The following HMX3 variants were observed in gnomAD, a reference collection of about 807,000 sequenced individuals.
The protein encoded by HMX3 is H6 family homeobox 3.
In HMX3, 8 loss-of-function variants were observed where a neutral mutation model predicts 22.8. That is an observed-to-expected ratio of 0.35 (90% CI 0.21 to 0.63). The LOEUF (loss-of-function observed/expected upper bound fraction) is 0.63, where lower values mean the gene tolerates loss of function less well. Ranked by LOEUF, HMX3 falls within the 30% of genes least tolerant of loss-of-function variation. The pLI, the probability that HMX3 is intolerant of heterozygous loss-of-function variation, is 0.72. For synonymous variants in HMX3, 331 were observed against 250.9 expected (o/e 1.32, Z -3.02); for missense variants, 527 against 520.6 (o/e 1.01, Z -0.12).
Position 123,137,849 on chromosome 10 carries a change from C to A in HMX3, c.*118C>A. The A allele has an allele frequency of 1.5e-6, 1 of 671,410 alleles. No homozygotes were observed. Among genetic ancestry groups the A allele is most frequent in the South Asian group, 2.7e-5 (1 of 36,548 alleles). The allele number at this position is 671,410 out of a possible 1,614,324, so 41.6% of individuals were successfully genotyped here. A position where few individuals can be genotyped will look rare whatever the true frequency, so the allele number is the denominator to read the frequency against. On this transcript the variant is annotated 3_prime_UTR_variant, in exon 2 of 2. Coordinates refer to ENST00000357878, the MANE Select transcript of HMX3 (RefSeq NM_001105574.2). This position sits in a 1 kb window ranked among gnomAD's most constrained non-coding sequence, Gnocchi z 5.8. Reference sequence around the variant, plus strand: ...GCCTTCAGGAACTGGGGCTTGGGCGCGCAGCCTCTGCTTCCCCTCCCCCAG... The same window carrying A: ...GCCTTCAGGAACTGGGGCTTGGGCGAGCAGCCTCTGCTTCCCCTCCCCCAG...
At position 123,137,099 on chromosome 10, in the gene HMX3, G is replaced by C. The variant is rs760154656; in HGVS notation, c.442G>C (p.Gly148Arg). The change falls in exon 2 of 2, where the codon GGC (glycine) becomes CGC (arginine). Residue 148 changes from glycine (G) to arginine (R), a missense_variant. Physicochemically the swap from Gly to Arg is moderately radical, Grantham distance 125. Coordinates refer to ENST00000357878, the MANE Select transcript of HMX3 (RefSeq NM_001105574.2). The surrounding 1 kb of genome is among the most constrained non-coding windows in gnomAD (Gnocchi z 5.8). Reference sequence around the variant, plus strand: ...GCTGAGAGACTCCTCCCCCGCCTCCGGCACAGACCGCGACTCTCCGGAGCC... The same window carrying C: ...GCTGAGAGACTCCTCCCCCGCCTCCCGCACAGACCGCGACTCTCCGGAGCC... ...ALLRDSSPAS[G>R]TDRDSPEPLL... The C allele has an allele frequency of 3.7e-6, 6 of 1,610,906 alleles. No homozygotes were observed. In the East Asian group the frequency reaches 6.7e-5, roughly 18 times the overall value.
In HMX3 at chr10:123,136,371, G is replaced by C; in HGVS notation, c.321G>C (p.Ala107=). ...CGGCGCAGAGGTTTGCCCTGCCCGC[G>C]CACTACCTGGAGCGCTCCCCAGCCT... ...EIPAQRFALP[A]HYLERSPAWW... The change falls in exon 1 of 2, where the codon GCG becomes GCC. Residue 107 remains alanine, a synonymous_variant. Transcript: ENST00000357878. This position sits in a 1 kb window ranked among gnomAD's most constrained non-coding sequence, Gnocchi z 4.8. 6.4e-7 allele frequency: 1 copy of C among 1,565,642 alleles called. No individual in the cohort carries two copies. The highest frequency in any genetic ancestry group is 8.6e-7 in the Non-Finnish European group (1 of 1,156,964).
rs772140075 is a variant in HMX3, at chr10:123,136,418, C to A, written c.368C>A (p.Thr123Asn). 1.9e-5 allele frequency: 29 copies of A among 1,494,780 alleles called. No homozygotes were observed. The Middle Eastern group carries it at 1.4e-3, about 73-fold the overall frequency. The allele number at this position is 1,494,780 out of a possible 1,614,324, so 92.6% of individuals were successfully genotyped here. ...GCCTGGTGGTACCCCTACACCCTGACCCCCGCCGGCGGCCACCTCCCGCGA... is the reference window on the plus strand; with the variant it reads ...GCCTGGTGGTACCCCTACACCCTGAACCCCGCCGGCGGCCACCTCCCGCGA... ...SPAWWYPYTL[T>N]PAGGHLPRPE... Residue 123 changes from threonine (T) to asparagine (N), a missense_variant, in exon 1 of 2, where the codon ACC (threonine) becomes AAC (asparagine). Coordinates refer to ENST00000357878, the MANE Select transcript of HMX3 (RefSeq NM_001105574.2). The surrounding 1 kb of genome is among the most constrained non-coding windows in gnomAD (Gnocchi z 4.8).
At position 123,136,945 on chromosome 10, in the gene HMX3, T is replaced by C; in HGVS notation, c.401-113T>C. 7.8e-7 allele frequency: 1 copy of C among 1,286,924 alleles called. No individual in the cohort carries two copies. The highest frequency in any genetic ancestry group is 2.6e-5 in the East Asian group (1 of 39,070). The allele number at this position is 1,286,924 out of a possible 1,614,324, so 79.7% of individuals were successfully genotyped here. A position where few individuals can be genotyped will look rare whatever the true frequency, so the allele number is the denominator to read the frequency against. ...AGCCCGCGGGAATGGTGAGGCCTCA[T>C]GGCCTGGGACCTGGAGGCCGGCGCG... On this transcript the variant is annotated intron_variant, in intron 1 of 1. Coordinates refer to ENST00000357878, the MANE Select transcript of HMX3 (RefSeq NM_001105574.2). This position sits in a 1 kb window ranked among gnomAD's most constrained non-coding sequence, Gnocchi z 4.8.
At position 123,137,097 on chromosome 10, in the gene HMX3, C is replaced by G. The variant is rs750072328; in HGVS notation, c.440C>G (p.Ser147Cys). The change falls in exon 2 of 2, where the codon TCC (serine) becomes TGC (cysteine). Residue 147 changes from serine to cysteine, a missense_variant. Physicochemically the swap from Ser to Cys is moderately radical, Grantham distance 112 (BLOSUM62 -1). Transcript: ENST00000357878. This position sits in a 1 kb window ranked among gnomAD's most constrained non-coding sequence, Gnocchi z 5.8. ...KALLRDSSPA[S>C]GTDRDSPEPL... Reference sequence around the variant, plus strand: ...TTGCTGAGAGACTCCTCCCCCGCCTCCGGCACAGACCGCGACTCTCCGGAG... The same window carrying G: ...TTGCTGAGAGACTCCTCCCCCGCCTGCGGCACAGACCGCGACTCTCCGGAG... 1.1e-5 allele frequency: 17 copies of G among 1,610,950 alleles called. No homozygotes were observed. The highest frequency in any genetic ancestry group is 2.2e-5 in the South Asian group (2 of 90,636).
chr10:123,137,597 TCGGCGGCCGAGGGCG>T lies in HMX3; in HGVS notation c.948_962del (p.Glu317_Ala321del). On this transcript the variant is annotated inframe_deletion, in exon 2 of 2. Coordinates refer to ENST00000357878, the MANE Select transcript of HMX3 (RefSeq NM_001105574.2). This position sits in a 1 kb window ranked among gnomAD's most constrained non-coding sequence, Gnocchi z 5.8. ...GGTGCCCATCCTCTACCACGAGAAC[TCGGCGGCCGAGGGCG>T]CGGCGGCTGCAGCCGCGGGGGCCCC... 6.3e-7 allele frequency: 1 copy of T among 1,587,944 alleles called. No individual in the cohort carries two copies.
Position 123,136,660 on chromosome 10 carries a change from C to T in HMX3, c.400+210C>T, listed in dbSNP as rs1193692712. Among the ~76,000 whole-genome samples the T allele has an allele frequency of 1.3e-5, 2 of 152,166 alleles. No homozygotes were observed. Among genetic ancestry groups the T allele is most frequent in the Admixed American group, 6.5e-5 (1 of 15,282 alleles). On this transcript the variant is annotated intron_variant, in intron 1 of 1. Transcript: ENST00000357878. This position sits in a 1 kb window ranked among gnomAD's most constrained non-coding sequence, Gnocchi z 4.8. ...GAGAAAAGAAGTGGAATTGGAGCCC[C>T]GGGCACGGTGCTTCCCGGGAAAAGT... is the stretch of plus-strand genomic sequence containing the variant.
rs1844068407 is a variant in HMX3, at chr10:123,136,082, C to G, written c.32C>G (p.Thr11Ser). ...GAACCCGGGCCGGACGCTGCCGGCA[C>G]CGCCAGCGCACAGCCCCAACCGCCG... is the stretch of plus-strand genomic sequence containing the variant. MPEPGPDAAGTASAQPQPPPP... is the reference protein window; with the variant it reads MPEPGPDAAGSASAQPQPPPP... Residue 11 changes from threonine to serine, a missense_variant, in exon 1 of 2, where the codon ACC (threonine) becomes AGC (serine). Coordinates refer to ENST00000357878, the MANE Select transcript of HMX3 (RefSeq NM_001105574.2). This position sits in a 1 kb window ranked among gnomAD's most constrained non-coding sequence, Gnocchi z 4.8. The G allele has an allele frequency of 7.1e-7, 1 of 1,403,660 alleles. No homozygotes were observed. Among genetic ancestry groups the G allele is most frequent in the Non-Finnish European group, 9.3e-7 (1 of 1,077,794 alleles). 87.0% of individuals were successfully genotyped at this position (1,403,660 alleles called of 1,614,324 possible).
Position 123,136,245 on chromosome 10 carries a change from C to CGCCGCTGCCGCT in HMX3, c.201_212dup (p.Ala70_Ala73dup). On this transcript the variant is annotated inframe_insertion, in exon 1 of 2. Coordinates refer to ENST00000357878, the MANE Select transcript of HMX3 (RefSeq NM_001105574.2). The surrounding 1 kb of genome is among the most constrained non-coding windows in gnomAD (Gnocchi z 4.8). Reference sequence around the variant, plus strand: ...CGCCAGCCTCGGCTGCCGCCGCCGCCGCCGCTGCCGCTGCCGCGGCGGCCA... The same window carrying CGCCGCTGCCGCT: ...CGCCAGCCTCGGCTGCCGCCGCCGCCGCCGCTGCCGCTGCCGCTGCCGCTGCCGCGGCGGCCA... 1 of 1,345,020 alleles carries CGCCGCTGCCGCT rather than the reference C, an allele frequency of 7.4e-7. No individual in the cohort carries two copies. Among genetic ancestry groups the CGCCGCTGCCGCT allele is most frequent in the East Asian group, 3.1e-5 (1 of 32,722 alleles). The allele number at this position is 1,345,020 out of a possible 1,614,324, so 83.3% of individuals were successfully genotyped here.
chr10:123,137,678 G>T lies in HMX3; in HGVS notation c.1021G>T (p.Val341Phe), dbSNP rs897742821. 2.0e-6 allele frequency: 3 copies of T among 1,481,452 alleles called. No homozygotes were observed. In the African/African-American group the frequency reaches 4.2e-5, roughly 21 times the overall value. 91.8% of individuals were successfully genotyped at this position (1,481,452 alleles called of 1,614,324 possible). ...SQPLLTFPHP[V>F]YYSHPVVSSV... ...GCCGCTGCTCACCTTCCCGCACCCC[G>T]TCTACTACTCGCACCCGGTGGTCTC... Residue 341 changes from valine (V) to phenylalanine (F), a missense_variant, in exon 2 of 2, where the codon GTC becomes TTC. Val to Phe is a conservative substitution (Grantham distance 50). Around this residue, in one of 3 missense-constraint regions of HMX3, gnomAD observed 100 missense variants for 102.3 expected, o/e 0.98. Transcript: ENST00000357878. This position sits in a 1 kb window ranked among gnomAD's most constrained non-coding sequence, Gnocchi z 5.8.
At position 123,137,146 on chromosome 10, in the gene HMX3, T is replaced by C. The variant is rs1253840899; in HGVS notation, c.489T>C (p.Asp163=). 2 of 1,607,554 alleles carry C rather than the reference T, an allele frequency of 1.2e-6. No individual in the cohort carries two copies. Among genetic ancestry groups the C allele is most frequent in the African/African-American group, 2.7e-5 (2 of 74,764 alleles). The part of the protein sequence containing the change: ...SPEPLLKADP[D]HKELDSKSPD... ...AGCCACTGCTCAAGGCCGACCCCGA[T>C]CACAAGGAGCTGGACTCCAAGAGCC... Residue 163 remains aspartate, a synonymous_variant, in exon 2 of 2, where the codon GAT becomes GAC. Transcript: ENST00000357878. The surrounding 1 kb of genome is among the most constrained non-coding windows in gnomAD (Gnocchi z 5.8).
Position 123,136,919 on chromosome 10 carries a change from C to T in HMX3, c.401-139C>T, listed in dbSNP as rs1844082923. ...TTCTCTGGCCCAGCCGAGAAGGAGG[C>T]AGCCCGCGGGAATGGTGAGGCCTCA... On this transcript the variant is annotated intron_variant, in intron 1 of 1. Coordinates refer to ENST00000357878, the MANE Select transcript of HMX3 (RefSeq NM_001105574.2). This position sits in a 1 kb window ranked among gnomAD's most constrained non-coding sequence, Gnocchi z 4.8. 10 of 1,008,236 alleles carry T rather than the reference C, an allele frequency of 9.9e-6. No individual in the cohort carries two copies. The highest frequency in any genetic ancestry group is 1.4e-5 in the Non-Finnish European group (10 of 715,458). The allele number at this position is 1,008,236 out of a possible 1,614,324, so 62.5% of individuals were successfully genotyped here.
rs1218966766 is a variant in HMX3 at position 123,137,951 on chromosome 10, T to G, written c.*220T>G. Among the ~76,000 whole-genome samples the G allele has an allele frequency of 6.6e-6, 1 of 152,212 alleles. No homozygotes were observed. Among genetic ancestry groups the G allele is most frequent in the Non-Finnish European group, 1.5e-5 (1 of 68,030 alleles). On this transcript the variant is annotated 3_prime_UTR_variant, in exon 2 of 2. Transcript: ENST00000357878. The surrounding 1 kb of genome is among the most constrained non-coding windows in gnomAD (Gnocchi z 5.8). Reference sequence around the variant, plus strand: ...AATGGATTGGAGGCGCTTCCCCTCTTACTTTTGGTTTTTGGCTTATATTAA... The same window carrying G: ...AATGGATTGGAGGCGCTTCCCCTCTGACTTTTGGTTTTTGGCTTATATTAA...
chr10:123,137,447 C>G lies in HMX3; in HGVS notation c.790C>G (p.Leu264Val), dbSNP rs60720577. 2 of 1,613,386 alleles carry G rather than the reference C, an allele frequency of 1.2e-6. No individual in the cohort carries two copies. Among genetic ancestry groups the G allele is most frequent in the Non-Finnish European group, 1.7e-6 (2 of 1,179,936 alleles). ...GGAGCGAGCCGGCCTGGCCGCGTCC[C>G]TGCACCTCACCGAGACGCAGGTCAA... ...SSERAGLAAS[L>V]HLTETQVKIW... The change falls in exon 2 of 2, where the codon CTG becomes GTG. Residue 264 changes from leucine to valine, a missense_variant. Around this residue, in one of 3 missense-constraint regions of HMX3, gnomAD observed 41 missense variants for 80.6 expected, o/e 0.51. Coordinates refer to ENST00000357878, the MANE Select transcript of HMX3 (RefSeq NM_001105574.2). The surrounding 1 kb of genome is among the most constrained non-coding windows in gnomAD (Gnocchi z 5.8).
chr10:123,137,677 C>A lies in HMX3; in HGVS notation c.1020C>A (p.Pro340=), dbSNP rs534920462. The A allele has an allele frequency of 2.0e-6, 3 of 1,482,186 alleles. No homozygotes were observed. The highest frequency in any genetic ancestry group is 1.8e-6 in the Non-Finnish European group (2 of 1,124,104). 91.8% of individuals were successfully genotyped at this position (1,482,186 alleles called of 1,614,324 possible). A position where few individuals can be genotyped will look rare whatever the true frequency, so the allele number is the denominator to read the frequency against. ...AGCCGCTGCTCACCTTCCCGCACCC[C>A]GTCTACTACTCGCACCCGGTGGTCT... The part of the protein sequence containing the change: ...VSQPLLTFPH[P]VYYSHPVVSS... Residue 340 remains proline (P), a synonymous_variant, in exon 2 of 2, where the codon CCC becomes CCA. Transcript: ENST00000357878. The surrounding 1 kb of genome is among the most constrained non-coding windows in gnomAD (Gnocchi z 5.8).
chr10:123,137,441 G>T lies in HMX3; in HGVS notation c.784G>T (p.Ala262Ser). ...LSSSERAGLA[A>S]SLHLTETQVK... ...CAGCTCGGAGCGAGCCGGCCTGGCC[G>T]CGTCCCTGCACCTCACCGAGACGCA... is the stretch of plus-strand genomic sequence containing the variant. The change falls in exon 2 of 2, where the codon GCG (alanine) becomes TCG (serine). Residue 262 changes from alanine to serine, a missense_variant. Transcript: ENST00000357878. This position sits in a 1 kb window ranked among gnomAD's most constrained non-coding sequence, Gnocchi z 5.8. 6.2e-7 allele frequency: 1 copy of T among 1,613,388 alleles called. No individual in the cohort carries two copies. Among genetic ancestry groups the T allele is most frequent in the East Asian group, 2.2e-5 (1 of 44,858 alleles).
In HMX3 at chr10:123,138,189, G is replaced by A. The variant is rs1589679142; in HGVS notation, c.*458G>A. The stretch of plus-strand genomic sequence containing the variant: ...GAGACGGAATCTTGCTCTATCTATT[G>A]CCCAGGCTGGAGTGCAGTGGCGCGA... On this transcript the variant is annotated 3_prime_UTR_variant, in exon 2 of 2. Coordinates refer to ENST00000357878, the MANE Select transcript of HMX3 (RefSeq NM_001105574.2). Among the ~76,000 whole-genome samples the A allele has an allele frequency of 1.7e-5, 2 of 115,764 alleles. No individual in the cohort carries two copies. Among genetic ancestry groups the A allele is most frequent in the African/African-American group, 6.3e-5 (2 of 31,662 alleles). The allele number at this position is 115,764 out of a possible 152,430, so 75.9% of individuals were successfully genotyped here. A position where few individuals can be genotyped will look rare whatever the true frequency, so the allele number is the denominator to read the frequency against.
chr10:123,137,230 G>A lies in HMX3; in HGVS notation c.573G>A (p.Ala191=), dbSNP rs770573334. 22 of 1,595,094 alleles carry A rather than the reference G, an allele frequency of 1.4e-5. No homozygotes were observed. The highest frequency in any genetic ancestry group is 1.9e-5 in the Non-Finnish European group (22 of 1,170,908). ...DSEESKKEGE[A]APGAAGASVG... ...AGGAAAGCAAAAAGGAAGGCGAAGC[G>A]GCGCCAGGCGCGGCCGGGGCGAGCG... Residue 191 remains alanine (A), a synonymous_variant, in exon 2 of 2, where the codon GCG becomes GCA. Coordinates refer to ENST00000357878, the MANE Select transcript of HMX3 (RefSeq NM_001105574.2). This position sits in a 1 kb window ranked among gnomAD's most constrained non-coding sequence, Gnocchi z 5.8.
Position 123,138,678 on chromosome 10 carries a change from T to C in HMX3, c.*947T>C, listed in dbSNP as rs1250588812. ...ATTAGCCTCTTCATCGGTCTTACTTTGTGATGGAAGAATTCTCTAAGTGTC... is the reference window on the plus strand; with the variant it reads ...ATTAGCCTCTTCATCGGTCTTACTTCGTGATGGAAGAATTCTCTAAGTGTC... On this transcript the variant is annotated 3_prime_UTR_variant, in exon 2 of 2. Transcript: ENST00000357878. Among the ~76,000 whole-genome samples, 2 of 152,176 alleles carry C rather than the reference T, an allele frequency of 1.3e-5. No homozygotes were observed. Among genetic ancestry groups the C allele is most frequent in the East Asian group, 3.9e-4 (2 of 5,186 alleles).
Sources: allele counts gnomAD v4.1 joint callset (sites outside exome capture counted in the v4.1 genomes callset), GRCh38; gene constraint gnomAD v4.1.1; regional missense constraint gnomAD v4.1.1; non-coding constraint Gnocchi (gnomAD v3.1); transcripts MANE v1.5; gene names NCBI Gene and HGNC (gene_info 2026-07-23, HGNC 2026-07-21).